The following DPP10 variants were observed in gnomAD, a reference collection of about 807,000 sequenced individuals.
The protein encoded by DPP10 is dipeptidyl peptidase like 10.
DPP10 carries 33 observed loss-of-function variants against 120.9 expected under a neutral mutation model. The observed-to-expected ratio is 0.27, with a 90% CI of 0.21 to 0.37. The LOEUF (loss-of-function observed/expected upper bound fraction) is 0.37, where lower values mean the gene tolerates loss of function less well. Among genes scored for constraint, DPP10 ranks in the 10% least tolerant of loss-of-function variants. The pLI is 1.00. For synonymous variants in DPP10, 337 were observed against 326.1 expected, an observed-to-expected ratio of 1.03 and a Z score of -0.36; for missense variants, 816 against 942.8, an observed-to-expected ratio of 0.87 and a Z score of 1.76.
chr2:114,791,971 G>A (rs1016643521), intron 1 of DPP10, among the ~76,000 whole-genome samples: 2 of 152,148 alleles, frequency 1.3e-5, no homozygotes, highest in African/African-American at 4.8e-5. Context: ...ACCCAACCAC[G>A]TCTTCAAGTT....
intron 1 of DPP10, among the ~76,000 whole-genome samples, chr2:114,897,531 A>G (rs551457326): frequency 1.4e-4 from 21 of 152,302 alleles, no homozygotes; most frequent in African/African-American, 4.6e-4. Context: ...TCTCCACAGC[A>G]AAAGAAACTA....
At chr2:115,818,173 C>T (rs1211433366) in intron 21 of DPP10, among the ~76,000 whole-genome samples, 1 of 152,044 alleles carries the variant, frequency 6.6e-6, no homozygotes, top group African/African-American at 2.4e-5. Flanking sequence ...CCATCAGTTT[C>T]TTATTAGGGT....
chr2:115,807,321 A>G (rs954452420), intron 19 of DPP10, among the ~76,000 whole-genome samples: 1 of 152,128 alleles, frequency 6.6e-6, no homozygotes, highest in East Asian at 1.9e-4. Context: ...TTATATTTTC[A>G]TGTGCTGTCC....
intron 5 of DPP10, among the ~76,000 whole-genome samples, chr2:115,648,641 T>C (rs1473941033): frequency 6.7e-6 from 1 of 149,012 alleles, no homozygotes; most frequent in African/African-American, 2.5e-5. Context: ...CATTAAAAAG[T>C]AGACAATTTT....
chr2:115,396,278 A>G (rs527555489), intron 3 of DPP10, among the ~76,000 whole-genome samples: 22 of 152,164 alleles, frequency 1.4e-4, no homozygotes, highest in Non-Finnish European at 2.6e-4. Context: ...TTTTTTAGAA[A>G]TCAAGGTTAT....
intron 3 of DPP10, among the ~76,000 whole-genome samples, chr2:115,461,205 C>CT (rs72345226): frequency 2.0e-3 from 294 of 147,334 alleles, no homozygotes; most frequent in Middle Eastern, 3.5e-3. Flanking sequence ...TGATTTGATG[C>CT]TTTTTTTTTT....
chr2:115,210,668 C>G (rs1434660568), intron 1 of DPP10, among the ~76,000 whole-genome samples: 1 of 152,094 alleles, frequency 6.6e-6, no homozygotes, highest in Non-Finnish European at 1.5e-5. Context: ...CTCCATATCC[C>G]CTCCAGCACC....
chr2:114,999,675 T>C (rs1191691052), intron 1 of DPP10, among the ~76,000 whole-genome samples: 1 of 152,196 alleles, frequency 6.6e-6, no homozygotes, highest in Non-Finnish European at 1.5e-5. Flanking sequence ...GTCATCTTTG[T>C]TTGTTCTTAA....
At position 115,754,015 on chromosome 2, in the gene DPP10, A is replaced by T. The variant is rs563950503; in HGVS notation, c.1074+718A>T. On this transcript the variant is annotated intron_variant, in intron 11 of 25. Coordinates refer to ENST00000410059, the MANE Select transcript of DPP10 (RefSeq NM_020868.6). The stretch of plus-strand genomic sequence containing the variant: ...GTTATAAACAACTGTAAAATTGTAC[A>T]AAATATACAAAACATCTGTTTTCAG... Among the ~76,000 whole-genome samples, 8 of 152,316 alleles carry T rather than the reference A, an allele frequency of 5.3e-5. No homozygotes were observed. In the South Asian group the frequency reaches 1.4e-3, roughly 28 times the overall value.
intron 1 of DPP10, among the ~76,000 whole-genome samples, chr2:114,764,046 C>A (rs1680504098): frequency 6.6e-6 from 1 of 152,138 alleles, no homozygotes; most frequent in Non-Finnish European, 1.5e-5. Context: ...ATACTGAAAA[C>A]TGTTTCATGA....
intron 21 of DPP10, among the ~76,000 whole-genome samples, chr2:115,821,599 G>A (rs1157095851): frequency 3.3e-5 from 5 of 151,786 alleles, no homozygotes; most frequent in South Asian, 2.1e-4. Context: ...AAATTTAAAT[G>A]TTACTGTTTT....
At chr2:115,278,069 C>T (rs2059991378) in intron 1 of DPP10, among the ~76,000 whole-genome samples, 1 of 152,110 alleles carries the variant, frequency 6.6e-6, no homozygotes, top group South Asian at 2.1e-4. Flanking sequence ...GGCATGGATT[C>T]CAGTCCTGGC....
Position 114,770,893 on chromosome 2 carries a change from TCTC to T in DPP10, c.60+328058_60+328060del, listed in dbSNP as rs577124949. 3.9e-5 allele frequency among the ~76,000 whole-genome samples: 6 copies of T among 152,172 alleles called. No homozygotes were observed. The East Asian group carries it at 1.2e-3, about 29-fold the overall frequency. ...AAATGAGTTTTATGTCTTGGCCACA[TCTC>T]CTTGATATCCTTCAGCAAGAAATAT... On this transcript the variant is annotated intron_variant, in intron 1 of 25. Transcript: ENST00000410059.
chr2:114,879,271 A>C (rs1450560618), intron 1 of DPP10, among the ~76,000 whole-genome samples: 1 of 152,036 alleles, frequency 6.6e-6, no homozygotes, highest in Non-Finnish European at 1.5e-5. Context: ...CCTACCCTCA[A>C]GGAATTTACT....
chr2:114,992,901 C>T (rs570295257), intron 1 of DPP10, among the ~76,000 whole-genome samples: 21 of 152,318 alleles, frequency 1.4e-4, no homozygotes, highest in South Asian at 2.1e-4. Flanking sequence ...TTCCATAAAC[C>T]TGTTGTTCTT....
intron 1 of DPP10, among the ~76,000 whole-genome samples, chr2:114,750,217 C>G (rs1339315626): frequency 2.0e-5 from 3 of 151,608 alleles, no homozygotes; most frequent in African/African-American, 7.3e-5. Context: ...GGACAGGAAA[C>G]AACTCCATGC....
chr2:115,717,772 C>T (rs1228154979), intron 7 of DPP10, among the ~76,000 whole-genome samples: 1 of 152,128 alleles, frequency 6.6e-6, no homozygotes, highest in African/African-American at 2.4e-5. Context: ...TGGGCATGCA[C>T]CACATCACCC....
chr2:115,110,324 T>C (rs1033291856), intron 1 of DPP10, among the ~76,000 whole-genome samples: 24 of 152,162 alleles, frequency 1.6e-4, no homozygotes, highest in Non-Finnish European at 7.4e-5. Flanking sequence ...GTCTCCGTGT[T>C]TTAGTTTTCT....
chr2:114,696,078 G>T (rs1251941220), intron 1 of DPP10, among the ~76,000 whole-genome samples: 2 of 151,886 alleles, frequency 1.3e-5, no homozygotes, highest in African/African-American at 4.8e-5. Flanking sequence ...ACATTTGATA[G>T]GTATTTAAAA....
Sources: gnomAD v4.1 joint callset for allele counts (sites outside exome capture counted in the v4.1 genomes callset) on GRCh38, gnomAD v4.1.1 for gene constraint, MANE v1.5 for transcripts, NCBI Gene and HGNC (gene_info 2026-07-23, HGNC 2026-07-21) for gene names.